SLC49A4: variants seen among roughly 807,000 people sequenced by gnomAD.
The protein encoded by SLC49A4 is solute carrier family 49 member 4.
SLC49A4 carries 36 observed loss-of-function variants against 50.6 expected under a neutral mutation model. The ratio of observed to expected loss-of-function variants is 0.71; its 90% CI spans 0.55 to 0.94. The LOEUF is 0.94. SLC49A4 is among the 40% of genes least tolerant of loss of function. SLC49A4 has a pLI of 0.00. For synonymous variants in SLC49A4, 248 were observed against 241.2 expected (o/e 1.03, Z -0.26); for missense variants, 503 against 605.7 (o/e 0.83, Z 1.78).
chr3:122,860,710 C>G (rs2107579838), intron 7 of SLC49A4, among the ~76,000 whole-genome samples: 1 of 152,280 alleles, frequency 6.6e-6, no homozygotes, highest in African/African-American at 2.4e-5. Context: ...TCTAATGGAC[C>G]TGAAACATTT....
intron 4 of SLC49A4, among the ~76,000 whole-genome samples, chr3:122,841,296 T>G (rs1414129633): frequency 6.6e-6 from 1 of 152,256 alleles, no homozygotes; most frequent in Non-Finnish European, 1.5e-5. Context: ...TGCCGTTCAT[T>G]GTGAAGTTTG....
intron 5 of SLC49A4, among the ~76,000 whole-genome samples, chr3:122,847,298 A>G (rs1365377883): frequency 6.6e-6 from 1 of 152,178 alleles, no homozygotes; most frequent in Non-Finnish European, 1.5e-5. Context: ...CTTAGAAAAG[A>G]TAAAAGAATC....
intron 6 of SLC49A4, among the ~76,000 whole-genome samples, chr3:122,857,469 T>G (rs893531682): frequency 6.6e-6 from 1 of 152,086 alleles, no homozygotes; most frequent in Non-Finnish European, 1.5e-5. Context: ...ATTATATATT[T>G]GGGAAGATCA....
rs184882947 is a variant in SLC49A4 at position 122,809,394 on chromosome 3, A to G, written c.437+2444A>G. On this transcript the variant is annotated intron_variant, in intron 2 of 8. Transcript: ENST00000261038. ...CCACAGATTTTAAGTACAGATTTTC[A>G]TGTAAGCTTAAATTCAACACTGCTT... Among the ~76,000 whole-genome samples, 57 of 152,192 alleles carry G rather than the reference A, an allele frequency of 3.7e-4. No homozygotes were observed. In the East Asian group the frequency reaches 0.011, roughly 28 times the overall value.
chr3:122,806,269 A>G (rs1352782978), intron 1 of SLC49A4, among the ~76,000 whole-genome samples: 1 of 152,254 alleles, frequency 6.6e-6, no homozygotes, highest in Non-Finnish European at 1.5e-5. Context: ...ATTATATCTG[A>G]ACGGAACATT....
chr3:122,872,772 C>T (rs1348821213), intron 8 of SLC49A4, among the ~76,000 whole-genome samples, 175 bp downstream of exon 8: 1 of 152,100 alleles, frequency 6.6e-6, no homozygotes. Context: ...TGCATTCTAG[C>T]TCAAGTGCAC....
intron 2 of SLC49A4, among the ~76,000 whole-genome samples, chr3:122,821,219 C>T (rs371578970): frequency 1.1e-4 from 17 of 152,236 alleles, no homozygotes; most frequent in African/African-American, 3.4e-4. Context: ...TACTCAGTCT[C>T]GGGTATGTCT....
rs57240000 is a variant in SLC49A4 at position 122,823,935 on chromosome 3, A to G, written c.438-2865A>G. On this transcript the variant is annotated intron_variant, in intron 2 of 8. Coordinates refer to ENST00000261038, the MANE Select transcript of SLC49A4 (RefSeq NM_032839.3). ...CACAGTCCCCAGGACAACAGTGCTTATGACCAGTTGTAACACATTAGAAGC... is the reference window on the plus strand; with the variant it reads ...CACAGTCCCCAGGACAACAGTGCTTGTGACCAGTTGTAACACATTAGAAGC... 8.5e-3 allele frequency among the ~76,000 whole-genome samples: 1,293 copies of G among 152,320 alleles called. 16 individuals are homozygous for G. Among genetic ancestry groups the G allele is most frequent in the African/African-American group, 0.029 (1,203 of 41,568 alleles).
chr3:122,847,967 A>G (rs1316065850), intron 5 of SLC49A4, among the ~76,000 whole-genome samples: 1 of 152,240 alleles, frequency 6.6e-6, no homozygotes, highest in Non-Finnish European at 1.5e-5. Flanking sequence ...ACCAATTGAA[A>G]TGAAATAAAA....
chr3:122,819,243 CAAAAAAAAA>C (rs777101254), intron 2 of SLC49A4, among the ~76,000 whole-genome samples: 11 of 100,592 alleles, frequency 1.1e-4, no homozygotes, highest in Admixed American at 3.4e-4. Context: ...GACCCTGCCT[CAAAAAAAAA>C]AAAAAAAAAA....
chr3:122,856,854 G>C (rs1400123301), intron 6 of SLC49A4, among the ~76,000 whole-genome samples: 2 of 147,734 alleles, frequency 1.4e-5, no homozygotes, highest in African/African-American at 2.5e-5. Flanking sequence ...AAAAAAAAAA[G>C]AATTTGCTGC....
intron 8 of SLC49A4, 109 bp from the exon 9 acceptor site, chr3:122,879,154 C>T: frequency 5.2e-6 from 4 of 768,630 alleles, no homozygotes; most frequent in South Asian, 3.4e-5. Flanking sequence ...TTCCAGGGTA[C>T]ATTTATTATA....
At chr3:122,850,504 T>C (rs1936912402) in intron 5 of SLC49A4, among the ~76,000 whole-genome samples, 1 of 148,116 alleles carries the variant, frequency 6.8e-6, no homozygotes, top group African/African-American at 2.5e-5. Flanking sequence ...TAATCCATTT[T>C]GAGTTGATTT....
intron 2 of SLC49A4, among the ~76,000 whole-genome samples, chr3:122,817,251 C>G (rs1936381613): frequency 6.6e-6 from 1 of 152,128 alleles, no homozygotes; most frequent in African/African-American, 2.4e-5. Context: ...TGTTTTCTTG[C>G]ATCTTCCAGC....
intron 8 of SLC49A4, 102 bp from the exon 9 acceptor site, chr3:122,879,161 T>G (rs1937302293): frequency 3.7e-6 from 3 of 812,956 alleles, no homozygotes; most frequent in Non-Finnish European, 6.1e-6. Flanking sequence ...GTACATTTAT[T>G]ATAAGTACTT....
chr3:122,863,261 AC>A (rs1452729840), intron 7 of SLC49A4, among the ~76,000 whole-genome samples: 17 of 152,210 alleles, frequency 1.1e-4, no homozygotes, highest in Admixed American at 9.2e-4. Flanking sequence ...CTTAATAGTT[AC>A]TTAGGTATAT....
At chr3:122,811,999 A>G (rs144517924) in intron 2 of SLC49A4, among the ~76,000 whole-genome samples, 142 of 152,094 alleles carry the variant, frequency 9.3e-4, no homozygotes, top group African/African-American at 3.2e-3. Context: ...TCTGTTGCCC[A>G]GGCTGGAGTG....
chr3:122,825,029 A>G (rs1936507774), intron 2 of SLC49A4, among the ~76,000 whole-genome samples: 1 of 152,086 alleles, frequency 6.6e-6, no homozygotes, highest in African/African-American at 2.4e-5. Flanking sequence ...CACTGTTCCC[A>G]GCCAGGAGTC....
intron 7 of SLC49A4, among the ~76,000 whole-genome samples, chr3:122,871,753 A>G (rs921174099): frequency 5.3e-5 from 8 of 152,168 alleles, no homozygotes; most frequent in Admixed American, 6.6e-5. Flanking sequence ...TATAAGAATA[A>G]TATCCTTATT....
Sources: allele counts gnomAD v4.1 joint callset (sites outside exome capture counted in the v4.1 genomes callset), GRCh38; gene constraint gnomAD v4.1.1; transcripts MANE v1.5; gene names NCBI Gene and HGNC (gene_info 2026-07-23, HGNC 2026-07-21).